PRKG1: variants seen among roughly 807,000 people sequenced by gnomAD.
PRKG1 encodes cGMP-dependent protein kinase 1.
PRKG1 carries 35 observed loss-of-function variants against 88.1 expected under a neutral mutation model. That is an observed-to-expected ratio of 0.40 (90% CI 0.30 to 0.53). The LOEUF (loss-of-function observed/expected upper bound fraction) is 0.53. PRKG1 is among the 20% of genes least tolerant of loss of function. PRKG1 has a pLI of 0.59. For missense variants in PRKG1, 540 were observed against 839.8 expected (o/e 0.64, Z 4.41); for synonymous variants, 303 against 292.5 (o/e 1.04, Z -0.37).
chr10:52,029,550 C>T (rs910091130), intron 5 of PRKG1, among the ~76,000 whole-genome samples: 3 of 152,078 alleles, frequency 2.0e-5, no homozygotes, highest in Admixed American at 6.5e-5. Context: ...ATCTCAAAGT[C>T]GATATACTTT....
At chr10:51,014,318 CT>C (rs71029340) in intron 1 of PRKG1, among the ~76,000 whole-genome samples, 69,270 of 137,752 alleles carry the variant, frequency 0.5, 16,459 homozygotes, top group Admixed American at 0.57. Flanking sequence ...CAGGCATTCT[CT>C]TTTTTTTTTT....
intron 7 of PRKG1, among the ~76,000 whole-genome samples, chr10:52,101,127 C>G (rs1847283734): frequency 6.6e-6 from 1 of 152,086 alleles, no homozygotes; most frequent in Non-Finnish European, 1.5e-5. Context: ...ATCAGCATAT[C>G]TCTCTGCATT....
intron 3 of PRKG1, among the ~76,000 whole-genome samples, chr10:51,686,742 T>C (rs1248891290): frequency 1.3e-5 from 2 of 150,066 alleles, no homozygotes; most frequent in Non-Finnish European, 1.5e-5. Flanking sequence ...ACAACCTTTT[T>C]TGTTTGTTTG....
chr10:51,013,492 G>A (rs1287104555), intron 1 of PRKG1, among the ~76,000 whole-genome samples: 2 of 152,196 alleles, frequency 1.3e-5, no homozygotes, highest in African/African-American at 4.8e-5. Context: ...TTGGATACAA[G>A]TGATTCCCCT....
rs182562897 is a variant in PRKG1 at position 52,280,357 on chromosome 10, C to A, written c.1404-432C>A. 1.2e-4 allele frequency among the ~76,000 whole-genome samples: 19 copies of A among 152,160 alleles called. No homozygotes were observed. The East Asian group carries it at 2.7e-3, about 22-fold the overall frequency. On this transcript the variant is annotated intron_variant, in intron 12 of 17. Coordinates refer to ENST00000373980, the MANE Select transcript of PRKG1 (RefSeq NM_006258.4). Reference sequence around the variant, plus strand: ...TTATTTAGAAAGATTAAAAAACAAGCCCTCTAAGAATAAATATGAATAAAC... The same window carrying A: ...TTATTTAGAAAGATTAAAAAACAAGACCTCTAAGAATAAATATGAATAAAC...
chr10:52,279,912 A>G (rs1841963297), intron 12 of PRKG1, among the ~76,000 whole-genome samples: 2 of 152,064 alleles, frequency 1.3e-5, no homozygotes, highest in Non-Finnish European at 2.9e-5. Context: ...GTACCATGAA[A>G]AAAAAAAAGA....
chr10:51,388,080 G>A (rs771030727), intron 2 of PRKG1, among the ~76,000 whole-genome samples: 1 of 151,968 alleles, frequency 6.6e-6, no homozygotes, highest in Non-Finnish European at 1.5e-5. Context: ...GAAATGATGT[G>A]GTATATTTTT....
chr10:52,116,957 T>G (rs1403138188), intron 7 of PRKG1, among the ~76,000 whole-genome samples: 2 of 152,092 alleles, frequency 1.3e-5, no homozygotes, highest in Non-Finnish European at 2.9e-5. Flanking sequence ...CAGCCTGCTT[T>G]TCTAACCACT....
intron 3 of PRKG1, among the ~76,000 whole-genome samples, chr10:51,715,940 A>G (rs1392548489): frequency 6.6e-6 from 1 of 152,230 alleles, no homozygotes; most frequent in Non-Finnish European, 1.5e-5. Flanking sequence ...AGGCATTCAT[A>G]GACATGGGGA....
At chr10:51,209,476 A>G (rs1009845185) in intron 2 of PRKG1, among the ~76,000 whole-genome samples, 2 of 152,166 alleles carry the variant, frequency 1.3e-5, no homozygotes, top group Non-Finnish European at 2.9e-5. Flanking sequence ...TTCACTCATT[A>G]AGGTAGTTTC....
intron 3 of PRKG1, among the ~76,000 whole-genome samples, chr10:51,526,018 C>T (rs1841875422): frequency 6.6e-6 from 1 of 152,048 alleles, no homozygotes; most frequent in Non-Finnish European, 1.5e-5. Context: ...TGGGGTTTTG[C>T]CATGTTGGCC....
At chr10:52,253,043 A>G (rs145522553) in intron 10 of PRKG1, among the ~76,000 whole-genome samples, 68 of 152,168 alleles carry the variant, frequency 4.5e-4, no homozygotes, top group African/African-American at 1.6e-3. Flanking sequence ...GGCAGGAAAG[A>G]GGACAGAGCT....
chr10:52,019,088 T>G (rs1845116628), intron 5 of PRKG1, among the ~76,000 whole-genome samples: 2 of 152,140 alleles, frequency 1.3e-5, no homozygotes, highest in Admixed American at 6.5e-5. Flanking sequence ...GAGGAGCTGC[T>G]TGTGCAAAGG....
chr10:51,168,331 A>G (rs936191248), intron 2 of PRKG1, among the ~76,000 whole-genome samples: 23 of 152,278 alleles, frequency 1.5e-4, no homozygotes, highest in African/African-American at 5.5e-4. Context: ...TAAGCTAGAC[A>G]TCAATTAGAT....
rs541578484 is a variant in PRKG1 at position 51,488,490 on chromosome 10, A to G, written c.592+20654A>G. ...TCTTTCTGAATATAATTGGAATGGAAATATTTTATTTGGCTGATGGCAGCA... is the reference window on the plus strand; with the variant it reads ...TCTTTCTGAATATAATTGGAATGGAGATATTTTATTTGGCTGATGGCAGCA... On this transcript the variant is annotated intron_variant, in intron 3 of 17. Coordinates refer to ENST00000373980, the MANE Select transcript of PRKG1 (RefSeq NM_006258.4). 2.0e-5 allele frequency among the ~76,000 whole-genome samples: 3 copies of G among 152,236 alleles called. No individual in the cohort carries two copies. In the South Asian group the frequency reaches 6.2e-4, roughly 32 times the overall value.
intron 9 of PRKG1, among the ~76,000 whole-genome samples, chr10:52,202,229 G>A (rs1839695475): frequency 6.6e-6 from 1 of 152,050 alleles, no homozygotes; most frequent in South Asian, 2.1e-4. Flanking sequence ...TCAATGCCTG[G>A]TTTGTCAAGG....
intron 2 of PRKG1, among the ~76,000 whole-genome samples, chr10:51,389,484 G>T (rs1466235435): frequency 6.6e-6 from 1 of 151,912 alleles, no homozygotes; most frequent in Non-Finnish European, 1.5e-5. Context: ...CTAACATGCC[G>T]CCACAGCTGT....
chr10:51,175,348 C>T (rs937002073), intron 2 of PRKG1, among the ~76,000 whole-genome samples: 1 of 151,994 alleles, frequency 6.6e-6, no homozygotes. Context: ...CACACATACA[C>T]ACACATTAGT....
intron 1 of PRKG1, among the ~76,000 whole-genome samples, chr10:51,015,214 C>T (rs771434277): frequency 6.6e-6 from 1 of 152,162 alleles, no homozygotes; most frequent in Non-Finnish European, 1.5e-5. Context: ...AAAGAATGTC[C>T]AGACGCAGTT....
Sources: gnomAD v4.1 joint callset for allele counts (sites outside exome capture counted in the v4.1 genomes callset) on GRCh38, gnomAD v4.1.1 for gene constraint, MANE v1.5 for transcripts, NCBI Gene and HGNC (gene_info 2026-07-23, HGNC 2026-07-21) for gene names.